The following PTPRT variants were observed in gnomAD, a reference collection of about 807,000 sequenced individuals.
PTPRT encodes protein tyrosine phosphatase receptor type T, also known as receptor-type tyrosine-protein phosphatase T.
A neutral mutation model predicts 176.8 loss-of-function variants in PTPRT; 56 were observed. The ratio of observed to expected loss-of-function variants is 0.32; its 90% CI spans 0.26 to 0.40. The LOEUF (loss-of-function observed/expected upper bound fraction) is 0.40. Among genes scored for constraint, PTPRT ranks in the 10% least tolerant of loss-of-function variants. The pLI, the probability that PTPRT is intolerant of heterozygous loss-of-function variation, is 1.00. For missense variants in PTPRT, 1,540 were observed against 1,908.2 expected (o/e 0.81, Z 3.60); for synonymous variants, 783 against 739.0 (o/e 1.06, Z -0.96).
At chr20:42,312,025 T>C (rs1190519276) in intron 12 of PTPRT, among the ~76,000 whole-genome samples, 1 of 152,244 alleles carries the variant, frequency 6.6e-6, no homozygotes, top group South Asian at 2.1e-4. Flanking sequence ...ATTAGAACTG[T>C]TAAGTTTTTA....
intron 6 of PTPRT, among the ~76,000 whole-genome samples, chr20:42,756,226 T>A (rs969774199): frequency 6.6e-6 from 1 of 152,240 alleles, no homozygotes; most frequent in Admixed American, 6.5e-5. Context: ...CCACAGTCTT[T>A]CACGTATGGC....
At chr20:42,314,333 C>T (rs946057527) in intron 12 of PTPRT, among the ~76,000 whole-genome samples, 6 of 151,964 alleles carry the variant, frequency 3.9e-5, no homozygotes, top group African/African-American at 1.2e-4. Context: ...CCGAGACCAT[C>T]CTGGCTAACA....
chr20:42,781,016 C>T (rs1039983537), intron 3 of PTPRT, among the ~76,000 whole-genome samples: 3 of 152,128 alleles, frequency 2.0e-5, no homozygotes, highest in African/African-American at 7.2e-5. Context: ...GCCCCACTTT[C>T]ACCTCATTTT....
At chr20:43,029,212 T>G (rs911942409) in intron 1 of PTPRT, among the ~76,000 whole-genome samples, 4 of 152,212 alleles carry the variant, frequency 2.6e-5, no homozygotes, top group Non-Finnish European at 5.9e-5. Flanking sequence ...GATGGTACAG[T>G]AGTCACACTG....
At chr20:42,521,646 G>T (rs576516920) in intron 7 of PTPRT, among the ~76,000 whole-genome samples, 10 of 152,258 alleles carry the variant, frequency 6.6e-5, no homozygotes, top group Non-Finnish European at 1.3e-4. Flanking sequence ...TCATTGAGTA[G>T]ATTATTCAGG....
chr20:42,279,556 T>C (rs1286928765), intron 13 of PTPRT, among the ~76,000 whole-genome samples: 1 of 152,216 alleles, frequency 6.6e-6, no homozygotes, highest in Admixed American at 6.5e-5. Context: ...CCAACCAATT[T>C]GTAGGACTTT....
At chr20:42,580,440 G>A (rs933302966) in intron 7 of PTPRT, among the ~76,000 whole-genome samples, 1 of 152,128 alleles carries the variant, frequency 6.6e-6, no homozygotes, top group African/African-American at 2.4e-5. Context: ...ATTCTGTGAG[G>A]AAAGTCATTG....
intron 2 of PTPRT, among the ~76,000 whole-genome samples, chr20:42,856,328 C>T (rs2078561919): frequency 6.6e-6 from 1 of 152,044 alleles, no homozygotes; most frequent in Non-Finnish European, 1.5e-5. Flanking sequence ...GGTAACTGCC[C>T]CCACTGATAT....
chr20:42,598,674 G>GA (rs1281776708), intron 7 of PTPRT, among the ~76,000 whole-genome samples: 1 of 150,456 alleles, frequency 6.6e-6, no homozygotes, highest in East Asian at 1.9e-4. Flanking sequence ...TTTAAGTGTA[G>GA]AAAAGGAACC....
intron 8 of PTPRT, among the ~76,000 whole-genome samples, chr20:42,453,428 C>A (rs2070866544): frequency 6.6e-6 from 1 of 151,716 alleles, no homozygotes; most frequent in Non-Finnish European, 1.5e-5. Context: ...TAAAAAGTTT[C>A]TTTTATAGTG....
chr20:42,233,364 C>T (rs919968340), intron 15 of PTPRT, among the ~76,000 whole-genome samples: 1 of 152,156 alleles, frequency 6.6e-6, no homozygotes, highest in African/African-American at 2.4e-5. Flanking sequence ...TCTCCATTTC[C>T]AGGATAATCA....
intron 1 of PTPRT, among the ~76,000 whole-genome samples, chr20:42,987,770 T>C (rs1983683952): frequency 6.6e-6 from 1 of 152,208 alleles, no homozygotes; most frequent in South Asian, 2.1e-4. Context: ...AAACAATAGT[T>C]GCAGTAATTA....
At chr20:42,531,057 A>C (rs1407353731) in intron 7 of PTPRT, among the ~76,000 whole-genome samples, 2 of 152,182 alleles carry the variant, frequency 1.3e-5, no homozygotes, top group Non-Finnish European at 2.9e-5. Flanking sequence ...TGGTATGGAG[A>C]TGTGACCCAC....
intron 9 of PTPRT, among the ~76,000 whole-genome samples, chr20:42,394,636 A>G (rs1372706933): frequency 2.0e-5 from 3 of 152,134 alleles, no homozygotes; most frequent in Non-Finnish European, 4.4e-5. Flanking sequence ...GATGTGACAC[A>G]TTTTCCATAT....
chr20:42,495,263 T>C (rs144680290), intron 7 of PTPRT, among the ~76,000 whole-genome samples: 1 of 152,210 alleles, frequency 6.6e-6, no homozygotes, highest in East Asian at 1.9e-4. Context: ...GTTCAAGTTG[T>C]CTTAGGTCAC....
chr20:42,439,408 T>C (rs2059292208), intron 9 of PTPRT, among the ~76,000 whole-genome samples: 1 of 152,164 alleles, frequency 6.6e-6, no homozygotes, highest in Non-Finnish European at 1.5e-5. Context: ...CAAAGGGATA[T>C]TGACAGAACG....
chr20:43,058,341 T>G (rs1987323268), intron 1 of PTPRT, among the ~76,000 whole-genome samples: 2 of 137,844 alleles, frequency 1.5e-5, no homozygotes, highest in African/African-American at 2.7e-5. Flanking sequence ...AGAAAGTGAG[T>G]GGGGAGAGAG....
intron 1 of PTPRT, among the ~76,000 whole-genome samples, chr20:43,162,964 G>A (rs2014739291): frequency 6.6e-6 from 1 of 152,232 alleles, no homozygotes; most frequent in Non-Finnish European, 1.5e-5. Flanking sequence ...ACCAGACGGT[G>A]AGCTCCTTGA....
rs894409667 is a variant in PTPRT at position 42,215,673 on chromosome 20, C to T, written c.2343-16285G>A. Among the ~76,000 whole-genome samples, 13 of 152,182 alleles carry T rather than the reference C, an allele frequency of 8.5e-5. No individual in the cohort carries two copies. The East Asian group carries it at 9.6e-4, about 11-fold the overall frequency. ...GGCAGATGCTCTTCCCCTATTCATG[C>T]GTTGACCTTCAGTTTCACATCATTA... On this transcript the variant is annotated intron_variant, in intron 15 of 30. Coordinates refer to ENST00000373187, the MANE Select transcript of PTPRT (RefSeq NM_007050.6).
Sources: gnomAD v4.1 joint callset for allele counts (sites outside exome capture counted in the v4.1 genomes callset) on GRCh38, gnomAD v4.1.1 for gene constraint, MANE v1.5 for transcripts, NCBI Gene and HGNC (gene_info 2026-07-23, HGNC 2026-07-21) for gene names.